Variants in SETD4 observed in about 807,000 individuals in gnomAD.
SETD4 encodes the protein SET domain containing 4, also known as SET domain-containing protein 4.
SETD4 carries 46 observed loss-of-function variants against 58.3 expected under a neutral mutation model. The ratio of observed to expected loss-of-function variants is 0.79; its 90% CI spans 0.62 to 1.01. The LOEUF (loss-of-function observed/expected upper bound fraction) is 1.01, where lower values mean the gene tolerates loss of function less well. Ranked by LOEUF, SETD4 falls within the 50% of genes least tolerant of loss-of-function variation. The probability of loss-of-function intolerance (pLI) is 0.00; values close to 1 mark genes in which losing one functional copy is unlikely to be tolerated. For missense variants in SETD4, 490 were observed against 523.3 expected (o/e 0.94, Z 0.62); for synonymous variants, 190 against 202.6 (o/e 0.94, Z 0.53).
chr21:36,049,503 C>G (rs974896959), intron 4 of SETD4, among the ~76,000 whole-genome samples: 2 of 151,978 alleles, frequency 1.3e-5, no homozygotes, highest in Non-Finnish European at 2.9e-5. Context: ...GGCAGTGAGC[C>G]GAGATTGCGC....
At chr21:36,046,531 G>A (rs773627266) in intron 5 of SETD4, among the ~76,000 whole-genome samples, 5 of 152,102 alleles carry the variant, frequency 3.3e-5, no homozygotes, top group Non-Finnish European at 5.9e-5. Flanking sequence ...TGTTTTAATT[G>A]CACAATAGCC....
intron 4 of SETD4, chr21:36,050,511 G>C (rs2064612220): frequency 5.0e-6 from 8 of 1,613,840 alleles, no homozygotes; most frequent in Non-Finnish European, 6.8e-6. Flanking sequence ...AGAGAAGATG[G>C]GATGCCAGTT....
chr21:36,051,059 T>G, intron 4 of SETD4: 1 of 1,455,110 alleles, frequency 6.9e-7, no homozygotes, highest in Non-Finnish European at 9.7e-7. Context: ...CCAATGCAAA[T>G]GTAGGTTTCA....
chr21:36,060,222 G>A, intron 1 of SETD4, 125 bp downstream of exon 1: 1 of 716,846 alleles, frequency 1.4e-6, no homozygotes, highest in East Asian at 1.3e-4. Context: ...GCCCTGGAGG[G>A]GACCTGCGAC....
chr21:36,038,150 C>A lies in SETD4; in HGVS notation c.1188G>T (p.Lys396Asn). The A allele has an allele frequency of 1.9e-6, 3 of 1,608,930 alleles. No individual in the cohort carries two copies. Among genetic ancestry groups the A allele is most frequent in the Non-Finnish European group, 2.5e-6 (3 of 1,178,634 alleles). ...AGGATGTCATATTCTAGAAACATAC[C>A]TTTTGAAGCACAGCATTAGTCTCTT... ...FIEETNAVLQ[K>N]VSHMKDEKEA... Residue 396 changes from lysine (K) to asparagine (N), a missense_variant and splice_region_variant, in exon 10 of 12, where the codon AAG (lysine) becomes AAT (asparagine). Coordinates refer to ENST00000332131, the MANE Select transcript of SETD4 (RefSeq NM_017438.5).
intron 9 of SETD4, among the ~76,000 whole-genome samples, chr21:36,038,653 C>G (rs1280096169): frequency 6.6e-6 from 1 of 152,196 alleles, no homozygotes; most frequent in Non-Finnish European, 1.5e-5. Context: ...GACTAAGGAG[C>G]AAAGGCAGAA....
In SETD4 at chr21:36,040,617, A is replaced by G. The variant is rs2064002287; in HGVS notation, c.1022T>C (p.Leu341Pro). ...ACATAACAACTTAAGGGCTGTGAGT[A>G]GCCTCCAAGATGGTCCATCCCATCC... ...TFGWDGPSWR[L>P]LTALKLLCLE... The change falls in exon 9 of 12, where the codon CTA (leucine) becomes CCA (proline). Residue 341 changes from leucine to proline, a missense_variant. Transcript: ENST00000332131. 1 of 1,613,890 alleles carries G rather than the reference A, an allele frequency of 6.2e-7. No homozygotes were observed. Among genetic ancestry groups the G allele is most frequent in the African/African-American group, 1.3e-5 (1 of 74,940 alleles).
At chr21:36,056,531 G>A (rs2064990285) in intron 3 of SETD4, among the ~76,000 whole-genome samples, 1 of 152,184 alleles carries the variant, frequency 6.6e-6, no homozygotes, top group East Asian at 1.9e-4. Context: ...ACTTCTGTGA[G>A]AGAATGTTCC....
intron 5 of SETD4, among the ~76,000 whole-genome samples, chr21:36,047,581 T>C (rs1256828304): frequency 6.6e-6 from 1 of 152,210 alleles, no homozygotes; most frequent in East Asian, 1.9e-4. Flanking sequence ...AGCTGTGATT[T>C]ACATATATTA....
In SETD4 at chr21:36,057,562, A is replaced by T. The variant is rs189626203; in HGVS notation, c.74-358T>A. 1,361 of 484,140 alleles carry T rather than the reference A, an allele frequency of 2.8e-3. 9 individuals are homozygous for T. Among genetic ancestry groups the T allele is most frequent in the Middle Eastern group, 0.018 (33 of 1,858 alleles). The allele number at this position is 484,140 out of a possible 1,614,324, so 30.0% of individuals were successfully genotyped here. ...ATCAACCAAAACATACTTATGCAAC[A>T]TACGACTATATTCATTCAATGTAAT... On this transcript the variant is annotated intron_variant, in intron 2 of 11. Coordinates refer to ENST00000332131, the MANE Select transcript of SETD4 (RefSeq NM_017438.5).
intron 3 of SETD4, 59 bp downstream of exon 3, chr21:36,057,050 C>T (rs1468834564): frequency 7.3e-7 from 1 of 1,375,252 alleles, no homozygotes; most frequent in East Asian, 2.3e-5. Context: ...AGAGTGGCCC[C>T]TGCTGTCTAC....
chr21:36,057,208 T>C lies in SETD4; in HGVS notation c.74-4A>G, dbSNP rs753613062. The stretch of plus-strand genomic sequence containing the variant: ...TCAGACTTGTGGCTCTCATTCACTA[T>C]CAGGCAAGGAGAGAACAAATGGTGA... On this transcript the variant is annotated splice_region_variant and splice_polypyrimidine_tract_variant and intron_variant, in intron 2 of 11. Transcript: ENST00000332131. 3.1e-6 allele frequency: 5 copies of C among 1,608,302 alleles called. No homozygotes were observed. Among genetic ancestry groups the C allele is most frequent in the Non-Finnish European group, 4.3e-6 (5 of 1,174,646 alleles).
At chr21:36,057,079 A>G in intron 3 of SETD4, 30 bp downstream of exon 3, 1 of 1,579,578 alleles carries the variant, frequency 6.3e-7, no homozygotes, top group Non-Finnish European at 8.7e-7. Context: ...CGTGTGGGAA[A>G]GGGCAGGACA....
intron 4 of SETD4, chr21:36,051,069 A>T: frequency 1.4e-6 from 2 of 1,435,454 alleles, no homozygotes; most frequent in Non-Finnish European, 2.0e-6. Flanking sequence ...TGTAGGTTTC[A>T]TCGTCTTTCA....
intron 1 of SETD4, chr21:36,059,936 C>T: frequency 3.0e-6 from 3 of 985,408 alleles, no homozygotes; most frequent in African/African-American, 1.7e-5. Flanking sequence ...CCCGGGCCCT[C>T]GCGCGAGCTG....
At position 36,043,937 on chromosome 21, in the gene SETD4, T is replaced by C; in HGVS notation, c.746A>G (p.Glu249Gly). 6.2e-7 allele frequency: 1 copy of C among 1,614,198 alleles called. No homozygotes were observed. The highest frequency in any genetic ancestry group is 8.5e-7 in the Non-Finnish European group (1 of 1,180,034). Reference sequence around the variant, plus strand: ...TCTAATTTCGTAAGAATGAGTTTCTTCATTAAACGCTGCTTTTACCTAGAA... The same window carrying C: ...TCTAATTTCGTAAGAATGAGTTTCTCCATTAAACGCTGCTTTTACCTAGAA... ...PHVQVKAAFN[E>G]ETHSYEIRTT... is the part of the protein sequence containing the mutation. Residue 249 changes from glutamate to glycine, a missense_variant, in exon 7 of 12, where the codon GAA becomes GGA. Physicochemically the swap from Glu to Gly is moderately conservative, Grantham distance 98 (BLOSUM62 -2). Transcript: ENST00000332131.
intron 7 of SETD4, chr21:36,042,346 T>C (rs1482205402): frequency 2.0e-5 from 3 of 152,234 alleles, no homozygotes; most frequent in Admixed American, 2.0e-4. Flanking sequence ...ACAGAGCTAT[T>C]TGGAGAAGCA....
chr21:36,050,629 A>C (rs1350932425), intron 4 of SETD4: 1 of 1,611,294 alleles, frequency 6.2e-7, no homozygotes, highest in South Asian at 1.1e-5. Flanking sequence ...TATGGTGGCC[A>C]TGAAAATTTT....
At position 36,036,102 on chromosome 21, in the gene SETD4, T is replaced by C. The variant is rs769409421; in HGVS notation, c.*15A>G. On this transcript the variant is annotated 3_prime_UTR_variant, in exon 11 of 12. Transcript: ENST00000332131. ...ACACCCACCAGAGGAGGTGACCAAA[T>C]GCGCTTCGGTGAAATCAGGTAAAAG... The C allele has an allele frequency of 1.9e-6, 3 of 1,613,892 alleles. No homozygotes were observed. Among genetic ancestry groups the C allele is most frequent in the African/African-American group, 1.3e-5 (1 of 74,910 alleles).
Sources: allele counts gnomAD v4.1 joint callset (sites outside exome capture counted in the v4.1 genomes callset), GRCh38; gene constraint gnomAD v4.1.1; transcripts MANE v1.5; gene names NCBI Gene and HGNC (gene_info 2026-07-23, HGNC 2026-07-21).